UNC13C: variants seen among roughly 807,000 people sequenced by gnomAD.
UNC13C encodes protein unc-13 homolog C.
UNC13C carries 174 observed loss-of-function variants against 245.4 expected under a neutral mutation model. The observed-to-expected ratio is 0.71, with a 90% CI of 0.63 to 0.80. The LOEUF (loss-of-function observed/expected upper bound fraction) is 0.80, where lower values mean the gene tolerates loss of function less well. Ranked by LOEUF, UNC13C falls within the 30% of genes least tolerant of loss-of-function variation. The pLI is 0.00. For missense variants in UNC13C, 2,829 were observed against 2,602.9 expected (o/e 1.09, Z -1.89); for synonymous variants, 992 against 895.1 (o/e 1.11, Z -1.93).
intron 2 of UNC13C, among the ~76,000 whole-genome samples, chr15:54,123,184 C>G (rs1470068823): frequency 6.6e-6 from 1 of 151,728 alleles, no homozygotes; most frequent in Non-Finnish European, 1.5e-5. Context: ...TTTCATTACC[C>G]CAAGACTAAT....
the UNC13C span, among the ~76,000 whole-genome samples, chr15:53,903,357 T>C: frequency 3.9e-5 from 6 of 152,170 alleles, no homozygotes; most frequent in Non-Finnish European, 7.3e-5. Flanking sequence ...CAGAAGCACA[T>C]CCATCAAATG....
intron 13 of UNC13C, among the ~76,000 whole-genome samples, chr15:54,301,686 CA>C (rs1373603691): frequency 6.6e-6 from 1 of 152,058 alleles, no homozygotes; most frequent in Non-Finnish European, 1.5e-5. Flanking sequence ...TCCAGTTTAT[CA>C]TTGATGGGCA....
chr15:53,858,320 TTA>T, the UNC13C span, among the ~76,000 whole-genome samples: 1 of 152,144 alleles, frequency 6.6e-6, no homozygotes, highest in Non-Finnish European at 1.5e-5. Context: ...TGGTTTCACT[TTA>T]GTATTTTGAC....
chr15:54,395,860 TTAAAG>T (rs2040059228), intron 18 of UNC13C, among the ~76,000 whole-genome samples: 2 of 151,766 alleles, frequency 1.3e-5, no homozygotes, highest in African/African-American at 2.4e-5. Context: ...AATTAATAAA[TTAAAG>T]TAAATTTATA....
chr15:53,973,138 G>A, the UNC13C span, among the ~76,000 whole-genome samples: 3 of 152,064 alleles, frequency 2.0e-5, no homozygotes, highest in African/African-American at 4.8e-5. Flanking sequence ...CCATACAGGT[G>A]GAAAGTAGTG....
At chr15:53,916,579 C>T in the UNC13C span, among the ~76,000 whole-genome samples, 3 of 152,168 alleles carry the variant, frequency 2.0e-5, no homozygotes, top group African/African-American at 4.8e-5. Context: ...GAGCTGCTTG[C>T]ATCGTCGAGC....
intron 18 of UNC13C, among the ~76,000 whole-genome samples, chr15:54,414,356 G>C (rs972246455): frequency 6.6e-6 from 1 of 152,122 alleles, no homozygotes; most frequent in Non-Finnish European, 1.5e-5. Context: ...GACATAAAAA[G>C]ACGGAGTCGG....
intron 1 of UNC13C, among the ~76,000 whole-genome samples, chr15:53,990,815 G>A (rs1894353979): frequency 6.6e-6 from 1 of 151,998 alleles, no homozygotes; most frequent in South Asian, 2.1e-4. Flanking sequence ...TCTCTTAAGG[G>A]CCAGAGTCAA....
rs28474996 is a variant in UNC13C, at chr15:54,152,583, A to G, written c.3071+8899A>G. 9.7e-3 allele frequency among the ~76,000 whole-genome samples: 1,479 copies of G among 152,244 alleles called. 27 individuals carry two copies. Among genetic ancestry groups the G allele is most frequent in the African/African-American group, 0.034 (1,424 of 41,558 alleles). On this transcript the variant is annotated intron_variant, in intron 4 of 32. Transcript: ENST00000260323. ...TGAGTTTGAAGAGTAGCAAATTAAA[A>G]CCACTGATACATCCTTTATGAAGGC... is the stretch of plus-strand genomic sequence containing the variant.
intron 20 of UNC13C, among the ~76,000 whole-genome samples, chr15:54,497,599 T>C (rs1567328592): frequency 1.3e-5 from 2 of 151,978 alleles, no homozygotes; most frequent in East Asian, 1.9e-4. Flanking sequence ...CACTAAGAGA[T>C]TGGGAACTAA....
chr15:53,982,431 C>CAT (rs3082303), intron 1 of UNC13C, among the ~76,000 whole-genome samples: 18,869 of 151,956 alleles, frequency 0.12, 1,495 homozygotes, highest in East Asian at 0.29. Context: ...TGGCTATTTC[C>CAT]TTTATAGGTG....
At chr15:54,465,975 T>C (rs1036529501) in intron 19 of UNC13C, among the ~76,000 whole-genome samples, 1 of 152,064 alleles carries the variant, frequency 6.6e-6, no homozygotes, top group African/African-American at 2.4e-5. Flanking sequence ...AATGAAAATA[T>C]GGTCTGTATA....
chr15:53,895,345 C>CAAAA, the UNC13C span, among the ~76,000 whole-genome samples: 1,001 of 29,828 alleles, frequency 0.034, no homozygotes, highest in Non-Finnish European at 0.046. Flanking sequence ...GATTTCATCT[C>CAAAA]AAAAAAAAAA....
intron 4 of UNC13C, among the ~76,000 whole-genome samples, chr15:54,202,348 G>C (rs1019958429): frequency 6.6e-6 from 1 of 151,786 alleles, no homozygotes; most frequent in Non-Finnish European, 1.5e-5. Context: ...CCAAAAAAGA[G>C]ACCTCATAGC....
chr15:54,432,483 C>A (rs992940186), intron 19 of UNC13C, among the ~76,000 whole-genome samples: 1 of 151,942 alleles, frequency 6.6e-6, no homozygotes, highest in African/African-American at 2.4e-5. Flanking sequence ...ACTGAACAAC[C>A]TGCTCCTGAA....
chr15:53,965,335 CCTTAAACATTTGAACT>C, the UNC13C span, among the ~76,000 whole-genome samples: 3 of 151,900 alleles, frequency 2.0e-5, no homozygotes, highest in South Asian at 6.2e-4. Context: ...ATCATTTTAC[CCTTAAACATTTGAACT>C]CTTTTTAAAC....
At chr15:53,843,177 G>A in the UNC13C span, among the ~76,000 whole-genome samples, 1 of 152,078 alleles carries the variant, frequency 6.6e-6, no homozygotes, top group Admixed American at 6.6e-5. Flanking sequence ...AGTGGCTTAG[G>A]CCTGTGATCC....
intron 10 of UNC13C, among the ~76,000 whole-genome samples, chr15:54,275,006 C>T (rs2036795365): frequency 6.6e-6 from 1 of 151,888 alleles, no homozygotes; most frequent in African/African-American, 2.4e-5. Context: ...ATGATAAATC[C>T]TATAAAGGGG....
chr15:54,054,023 C>T (rs143358497), intron 2 of UNC13C, among the ~76,000 whole-genome samples: 144 of 152,296 alleles, frequency 9.5e-4, no homozygotes, highest in Middle Eastern at 3.4e-3. Flanking sequence ...ATCCATTCGT[C>T]TGATGATAGA....
Sources: gnomAD v4.1 joint callset for allele counts (sites outside exome capture counted in the v4.1 genomes callset) on GRCh38, gnomAD v4.1.1 for gene constraint, MANE v1.5 for transcripts, NCBI Gene and HGNC (gene_info 2026-07-23, HGNC 2026-07-21) for gene names.